FANCL: variants seen among roughly 807,000 people sequenced by gnomAD.
FANCL encodes FA complementation group L.
Under a neutral mutation model 59.4 loss-of-function variants are expected in FANCL, and 69 were observed. The observed-to-expected ratio is 1.16, with a 90% CI of 0.96 to 1.42. The LOEUF is 1.42. FANCL is among the 40% of genes most tolerant of loss of function. The pLI is 0.00. For synonymous variants in FANCL, 180 were observed against 147.1 expected (o/e 1.22, Z -1.62); for missense variants, 519 against 447.2 (o/e 1.16, Z -1.45).
At chr2:58,166,980 G>A (rs1573537061) in intron 7 of FANCL, among the ~76,000 whole-genome samples, 1 of 152,226 alleles carries the variant, frequency 6.6e-6, no homozygotes. Flanking sequence ...CTGGGAGGCT[G>A]AGGTGCGCAG....
At chr2:58,160,006 C>A in intron 13 of FANCL, 102 bp downstream of exon 13, 1 of 1,564,784 alleles carries the variant, frequency 6.4e-7, no homozygotes, top group Non-Finnish European at 8.6e-7. Flanking sequence ...GAATGAGTTT[C>A]AAAAGTTTTA....
intron 6 of FANCL, among the ~76,000 whole-genome samples, 197 bp from the exon 7 acceptor site, chr2:58,198,859 T>C (rs539733771): frequency 1.1e-3 from 162 of 151,912 alleles, no homozygotes; most frequent in Middle Eastern, 3.4e-3. Context: ...AAACCTCGCC[T>C]CTACTAAAAA....
At chr2:58,209,620 G>C (rs1407416777) in intron 5 of FANCL, among the ~76,000 whole-genome samples, 1 of 152,108 alleles carries the variant, frequency 6.6e-6, no homozygotes, top group Non-Finnish European at 1.5e-5. Context: ...TCAACAACTT[G>C]ATACACCTAC....
At chr2:58,162,431 G>C (rs1028552912) in intron 11 of FANCL, among the ~76,000 whole-genome samples, 6 of 151,770 alleles carry the variant, frequency 4.0e-5, no homozygotes, top group Admixed American at 3.9e-4. Flanking sequence ...TGAAGACCAT[G>C]AAAAAAGTAT....
At position 58,198,735 on chromosome 2, in the gene FANCL, T is replaced by G. The variant is rs551802921; in HGVS notation, c.472-73A>C. ...TATCACTGAGGTATTTTAGAAAAAC[T>G]AGATGTATTAGGGGCCGGGCGCGGT... On this transcript the variant is annotated intron_variant, in intron 6 of 13. Transcript: ENST00000233741. The G allele has an allele frequency of 4.9e-6, 6 of 1,232,286 alleles. No individual in the cohort carries two copies. The South Asian group carries it at 6.1e-5, about 13-fold the overall frequency. 76.3% of individuals were successfully genotyped at this position (1,232,286 alleles called of 1,614,324 possible).
chr2:58,227,609 G>A (rs1693150331), intron 3 of FANCL, among the ~76,000 whole-genome samples: 1 of 152,144 alleles, frequency 6.6e-6, no homozygotes, highest in African/African-American at 2.4e-5. Flanking sequence ...TCCTCTCGAT[G>A]TCCAGCCACT....
At chr2:58,222,615 T>C (rs1017542771) in intron 4 of FANCL, among the ~76,000 whole-genome samples, 5 of 152,078 alleles carry the variant, frequency 3.3e-5, no homozygotes, top group African/African-American at 7.2e-5. Context: ...ACAGTCCCGT[T>C]CCTTGCTAGG....
chr2:58,207,496 G>A (rs905593803), intron 5 of FANCL, among the ~76,000 whole-genome samples: 2 of 152,190 alleles, frequency 1.3e-5, no homozygotes, highest in African/African-American at 4.8e-5. Context: ...GAATGTCCTT[G>A]TGAAGAGAGG....
In FANCL at chr2:58,199,553, T is replaced by C. The variant is rs1336593883; in HGVS notation, c.472-891A>G. 2.0e-5 allele frequency among the ~76,000 whole-genome samples: 3 copies of C among 152,138 alleles called. 1 individual carries two copies. The highest frequency in any genetic ancestry group is 4.4e-5 in the Non-Finnish European group (3 of 68,004). ...AAACAGTTTTTAGCAAGAAAAACCT[T>C]TGAAAGATTGCTAAATACAAAATTA... is the stretch of plus-strand genomic sequence containing the variant. On this transcript the variant is annotated intron_variant, in intron 6 of 13. Coordinates refer to ENST00000233741, the MANE Select transcript of FANCL (RefSeq NM_018062.4).
intron 5 of FANCL, among the ~76,000 whole-genome samples, chr2:58,207,082 T>G (rs570011159): frequency 6.6e-6 from 1 of 152,134 alleles, no homozygotes; most frequent in Non-Finnish European, 1.5e-5. Context: ...CAAGGAGGTG[T>G]TGGCATATAA....
At chr2:58,240,799 A>G (rs567197918) in intron 1 of FANCL, among the ~76,000 whole-genome samples, 1 of 152,362 alleles carries the variant, frequency 6.6e-6, no homozygotes, top group South Asian at 2.1e-4. Flanking sequence ...TTCTTTCTAC[A>G]GGAAACACGA....
intron 7 of FANCL, among the ~76,000 whole-genome samples, chr2:58,197,176 GAT>G (rs1391995991): frequency 6.7e-6 from 1 of 150,104 alleles, no homozygotes; most frequent in Non-Finnish European, 1.5e-5. Flanking sequence ...ACAATAAAAG[GAT>G]ATGAGAAAAA....
intron 3 of FANCL, among the ~76,000 whole-genome samples, chr2:58,228,668 G>C (rs969062729): frequency 2.6e-5 from 4 of 152,096 alleles, no homozygotes; most frequent in African/African-American, 9.7e-5. Context: ...TGACTCCCTG[G>C]CCCATATTTA....
At chr2:58,192,052 C>T (rs997029756) in intron 7 of FANCL, among the ~76,000 whole-genome samples, 6 of 151,838 alleles carry the variant, frequency 4.0e-5, no homozygotes, top group African/African-American at 2.4e-5. Context: ...ATGAAGCCTA[C>T]TGTGAAGGTC....
intron 7 of FANCL, among the ~76,000 whole-genome samples, chr2:58,166,169 G>A (rs1685936386): frequency 1.4e-5 from 2 of 144,570 alleles, no homozygotes; most frequent in South Asian, 2.2e-4. Flanking sequence ...ATGAGTACAA[G>A]ATGTATGTAC....
At chr2:58,241,353 G>A (rs199661008), upstream of FANCL, 7 of 1,591,666 alleles carry the variant, frequency 4.4e-6, no homozygotes, top group Non-Finnish European at 5.2e-6. Context: ...CTCTAGACCT[G>A]CTGGGTCCTG....
intron 5 of FANCL, among the ~76,000 whole-genome samples, chr2:58,221,008 C>T (rs181983515): frequency 6.6e-6 from 1 of 151,250 alleles, no homozygotes; most frequent in Non-Finnish European, 1.5e-5. Context: ...GTCAGGAGAT[C>T]GAGACCGATC....
chr2:58,164,465 A>G lies in FANCL; in HGVS notation c.692-948T>C, dbSNP rs1685667994. On this transcript the variant is annotated intron_variant, in intron 8 of 13. Coordinates refer to ENST00000233741, the MANE Select transcript of FANCL (RefSeq NM_018062.4). ...TTACTATGAACAGAAATTTCTTATTAGCCCTCAACACTGTCATCTGGTAAT... is the reference window on the plus strand; with the variant it reads ...TTACTATGAACAGAAATTTCTTATTGGCCCTCAACACTGTCATCTGGTAAT... Among the ~76,000 whole-genome samples the G allele has an allele frequency of 3.3e-5, 5 of 152,030 alleles. No homozygotes were observed. In the South Asian group the frequency reaches 8.3e-4, roughly 25 times the overall value.
intron 3 of FANCL, among the ~76,000 whole-genome samples, chr2:58,228,660 A>C (rs182595690): frequency 3.9e-4 from 60 of 152,254 alleles, no homozygotes; most frequent in Non-Finnish European, 8.1e-4. Context: ...AAGTCTGTTG[A>C]CTCCCTGGCC....
Sources: allele counts gnomAD v4.1 joint callset (sites outside exome capture counted in the v4.1 genomes callset), GRCh38; gene constraint gnomAD v4.1.1; transcripts MANE v1.5; gene names NCBI Gene and HGNC (gene_info 2026-07-23, HGNC 2026-07-21).